The following SLIT2 variants were observed in gnomAD, a reference collection of about 807,000 sequenced individuals.
The protein encoded by SLIT2 is slit guidance ligand 2, also known as slit homolog 2 protein.
SLIT2 carries 41 observed loss-of-function variants against 185.7 expected under a neutral mutation model. That is an observed-to-expected ratio of 0.22 (90% confidence interval 0.17 to 0.29). The LOEUF (loss-of-function observed/expected upper bound fraction) is 0.29, where lower values mean the gene tolerates loss of function less well. Among genes scored for constraint, SLIT2 ranks in the 10% least tolerant of loss-of-function variants. The pLI, the probability that SLIT2 is intolerant of heterozygous loss-of-function variation, is 1.00. For missense variants in SLIT2, 1,571 were observed against 1,909.0 expected, an observed-to-expected ratio of 0.82 and a Z score of 3.30; for synonymous variants, 693 against 680.2, an observed-to-expected ratio of 1.02 and a Z score of -0.29.
chr4:20,362,785 A>G (rs1722845116), intron 4 of SLIT2, among the ~76,000 whole-genome samples: 1 of 151,996 alleles, frequency 6.6e-6, no homozygotes, highest in Admixed American at 6.6e-5. Flanking sequence ...CTTAATCTCA[A>G]AGACTTTGCT....
intron 4 of SLIT2, among the ~76,000 whole-genome samples, chr4:20,338,155 G>A (rs547953111): frequency 8.5e-5 from 13 of 152,184 alleles, no homozygotes; most frequent in African/African-American, 3.1e-4. Flanking sequence ...TTTTTAAATT[G>A]TTCTCATTCA....
At position 20,543,074 on chromosome 4, in the gene SLIT2, C is replaced by CT. The variant is rs573556407; in HGVS notation, c.2276+458dup. 2.0e-3 allele frequency among the ~76,000 whole-genome samples: 301 copies of CT among 148,814 alleles called. 2 individuals are homozygous for CT. The South Asian group carries it at 0.027, about 13-fold the overall frequency. ...AGTCTAGGATATTCTGTACAGGAAA[C>CT]TTTTTTTTTTACCTCTGTGACCCCT... On this transcript the variant is annotated intron_variant, in intron 21 of 36. Transcript: ENST00000504154.
intron 4 of SLIT2, among the ~76,000 whole-genome samples, chr4:20,302,137 A>G (rs932560550): frequency 1.3e-5 from 2 of 152,256 alleles, no homozygotes; most frequent in African/African-American, 2.4e-5. Context: ...CCAAAGGGGC[A>G]GAAACACATG....
At chr4:20,281,799 G>A (rs753515491) in intron 4 of SLIT2, among the ~76,000 whole-genome samples, 1 of 152,132 alleles carries the variant, frequency 6.6e-6, no homozygotes, top group Non-Finnish European at 1.5e-5. Flanking sequence ...AATTACTGCA[G>A]CAAATAATGT....
At chr4:20,523,936 A>T in intron 13 of SLIT2, 33 bp downstream of exon 13, 1 of 1,613,036 alleles carries the variant, frequency 6.2e-7, no homozygotes, top group Non-Finnish European at 8.5e-7. Context: ...ACTTTTGATG[A>T]CATTGTTTCC....
intron 4 of SLIT2, among the ~76,000 whole-genome samples, chr4:20,453,338 G>A (rs935774120): frequency 8.5e-5 from 13 of 152,056 alleles, no homozygotes; most frequent in Non-Finnish European, 1.6e-4. Flanking sequence ...GTGAAAAAGC[G>A]TTTTCTATTT....
intron 4 of SLIT2, among the ~76,000 whole-genome samples, chr4:20,287,525 AC>A (rs1373027828): frequency 6.6e-6 from 1 of 152,072 alleles, no homozygotes; most frequent in African/African-American, 2.4e-5. Context: ...TCTCATTATC[AC>A]CTTAGGTCTT....
At chr4:20,448,706 T>C (rs1193277364) in intron 4 of SLIT2, among the ~76,000 whole-genome samples, 1 of 152,042 alleles carries the variant, frequency 6.6e-6, no homozygotes, top group Non-Finnish European at 1.5e-5. Context: ...GGCGTGATCT[T>C]CGCTCACTGC....
At chr4:20,526,085 T>A (rs1365530783) in intron 15 of SLIT2, among the ~76,000 whole-genome samples, 1 of 152,150 alleles carries the variant, frequency 6.6e-6, no homozygotes, top group Non-Finnish European at 1.5e-5. Context: ...TATTCTAGAC[T>A]ATAAAAAATT....
At chr4:20,458,475 T>C (rs770385241) in intron 4 of SLIT2, among the ~76,000 whole-genome samples, 11 of 152,186 alleles carry the variant, frequency 7.2e-5, no homozygotes, top group Non-Finnish European at 1.6e-4. Context: ...GGCAGACTTG[T>C]TAAAAATATA....
In SLIT2 at chr4:20,546,018, C is replaced by A. The variant is rs182241274; in HGVS notation, c.2277-13C>A. On this transcript the variant is annotated splice_polypyrimidine_tract_variant and intron_variant, in intron 21 of 36. Transcript: ENST00000504154. Reference sequence around the variant, plus strand: ...TACTTTGTAAGAAGATAATATTGTTCCATTGTTTTTAGGTATCTGGATGGA... The same window carrying A: ...TACTTTGTAAGAAGATAATATTGTTACATTGTTTTTAGGTATCTGGATGGA... 225 of 1,460,450 alleles carry A rather than the reference C, an allele frequency of 1.5e-4. No individual in the cohort carries two copies. The African/African-American group carries it at 2.1e-3, about 14-fold the overall frequency. The allele number at this position is 1,460,450 out of a possible 1,614,324, so 90.5% of individuals were successfully genotyped here.
intron 5 of SLIT2, among the ~76,000 whole-genome samples, chr4:20,468,816 T>G (rs1377591223): frequency 6.6e-6 from 1 of 151,230 alleles, no homozygotes; most frequent in East Asian, 1.9e-4. Flanking sequence ...AGAATTAACT[T>G]ATATTCAGAA....
At chr4:20,329,893 T>G (rs1719920172) in intron 4 of SLIT2, among the ~76,000 whole-genome samples, 1 of 152,100 alleles carries the variant, frequency 6.6e-6, no homozygotes, top group Non-Finnish European at 1.5e-5. Context: ...GGGCTAGTTT[T>G]CTGAGGCCTT....
At chr4:20,503,734 C>T (rs938995533) in intron 9 of SLIT2, among the ~76,000 whole-genome samples, 5 of 152,106 alleles carry the variant, frequency 3.3e-5, no homozygotes, top group Non-Finnish European at 5.9e-5. Flanking sequence ...GAAAATGAGG[C>T]GTTTCTCTCC....
intron 1 of SLIT2, chr4:20,255,173 C>T (rs1168651574): frequency 1.3e-5 from 5 of 394,214 alleles, no homozygotes; most frequent in East Asian, 1.4e-4. Flanking sequence ...GTCCCGCGGC[C>T]TCTTTGCCCC....
intron 4 of SLIT2, among the ~76,000 whole-genome samples, chr4:20,296,605 G>T (rs1716511212): frequency 6.6e-6 from 1 of 152,146 alleles, no homozygotes; most frequent in Non-Finnish European, 1.5e-5. Flanking sequence ...GCCTCAGGAA[G>T]TAACCACCTT....
At chr4:20,291,770 A>G (rs936973970) in intron 4 of SLIT2, among the ~76,000 whole-genome samples, 1 of 151,994 alleles carries the variant, frequency 6.6e-6, no homozygotes, top group Non-Finnish European at 1.5e-5. Context: ...GAGAACTTTG[A>G]TTTAATCTCT....
rs568287884 is a variant in SLIT2, at chr4:20,466,566, G to C, written c.396-1186G>C. ...TGCAATTCTTCGTTGCTTAAAACTTGGTGCTAATAAGGTCAAGACCACACA... is the reference window on the plus strand; with the variant it reads ...TGCAATTCTTCGTTGCTTAAAACTTCGTGCTAATAAGGTCAAGACCACACA... On this transcript the variant is annotated intron_variant, in intron 4 of 36. Coordinates refer to ENST00000504154, the MANE Select transcript of SLIT2 (RefSeq NM_004787.4). Among the ~76,000 whole-genome samples, 20 of 152,210 alleles carry C rather than the reference G, an allele frequency of 1.3e-4. No individual in the cohort carries two copies. In the South Asian group the frequency reaches 2.5e-3, roughly 19 times the overall value.
chr4:20,554,361 C>T (rs753900134), intron 26 of SLIT2: 5 of 459,622 alleles, frequency 1.1e-5, no homozygotes, highest in Non-Finnish European at 2.2e-5. Context: ...ACAGGCCCTC[C>T]CCAGTGTTCA....
Sources: gnomAD v4.1 joint callset for allele counts (sites outside exome capture counted in the v4.1 genomes callset) on GRCh38, gnomAD v4.1.1 for gene constraint, MANE v1.5 for transcripts, NCBI Gene and HGNC (gene_info 2026-07-23, HGNC 2026-07-21) for gene names.